Variants in CNBD1 observed in about 807,000 individuals in gnomAD.
The protein encoded by CNBD1 is cyclic nucleotide-binding domain-containing protein 1.
A neutral mutation model predicts 54.4 loss-of-function variants in CNBD1; 71 were observed. The ratio of observed to expected loss-of-function variants is 1.30; its 90% confidence interval spans 1.08 to 1.59. CNBD1 has a LOEUF of 1.59. CNBD1 is among the 40% of genes most tolerant of loss of function. CNBD1 has a pLI of 0.00. For missense variants in CNBD1, 659 were observed against 518.0 expected, an observed-to-expected ratio of 1.27 and a Z score of -2.64; for synonymous variants, 182 against 170.7, an observed-to-expected ratio of 1.07 and a Z score of -0.51.
intron 2 of CNBD1, among the ~76,000 whole-genome samples, chr8:87,391,765 T>C (rs1811314701): frequency 6.6e-6 from 1 of 151,994 alleles, no homozygotes; most frequent in Non-Finnish European, 1.5e-5. Context: ...AAGTAAATCT[T>C]TGTGACCTTG....
chr8:86,966,457 T>C (rs768263954), intron 4 of CNBD1, among the ~76,000 whole-genome samples: 4 of 152,214 alleles, frequency 2.6e-5, no homozygotes, highest in Non-Finnish European at 4.4e-5. Flanking sequence ...TTCCTTCAGA[T>C]GTTCAGATGT....
rs575099380 is a variant in CNBD1, at chr8:87,166,989, A to G, written c.432-39004A>G. On this transcript the variant is annotated intron_variant, in intron 4 of 10. Transcript: ENST00000518476. This position sits in a 1 kb window ranked among gnomAD's most constrained non-coding sequence, Gnocchi z 4.3. Reference sequence around the variant, plus strand: ...TTAACCAAAATGAATGTAGATAGCAATGTGACCATATAAAATATTTTACAT... The same window carrying G: ...TTAACCAAAATGAATGTAGATAGCAGTGTGACCATATAAAATATTTTACAT... Among the ~76,000 whole-genome samples the G allele has an allele frequency of 5.3e-5, 8 of 152,136 alleles. No individual in the cohort carries two copies. In the South Asian group the frequency reaches 1.4e-3, roughly 28 times the overall value.
rs1289280359 is a variant in CNBD1, at chr8:87,146,141, A to G, written c.432-59852A>G. On this transcript the variant is annotated intron_variant, in intron 4 of 10. Coordinates refer to ENST00000518476, the MANE Select transcript of CNBD1 (RefSeq NM_173538.3). ...TAATAGTGCCCAGTGTCCTCTGTTC[A>G]TTTTAGAATTACATAAGTTTTACAA... 4.6e-5 allele frequency among the ~76,000 whole-genome samples: 7 copies of G among 152,204 alleles called. No homozygotes were observed. The South Asian group carries it at 1.5e-3, about 32-fold the overall frequency.
At chr8:87,385,569 G>T (rs1411642759), downstream of CNBD1, among the ~76,000 whole-genome samples, 1 of 151,996 alleles carries the variant, frequency 6.6e-6, no homozygotes, top group African/African-American at 2.4e-5. Context: ...GAGGCTGGGG[G>T]AGGGGCGCCC....
chr8:87,066,466 C>T (rs774846456), intron 4 of CNBD1, among the ~76,000 whole-genome samples: 95 of 152,018 alleles, frequency 6.2e-4, no homozygotes, highest in South Asian at 2.1e-3. Flanking sequence ...AGATAGCCAA[C>T]CCCTTTTTAA....
intron 10 of CNBD1, among the ~76,000 whole-genome samples, chr8:87,370,478 T>A (rs1426144927): frequency 6.6e-6 from 1 of 152,182 alleles, no homozygotes; most frequent in East Asian, 1.9e-4. Flanking sequence ...TGATGGCCAG[T>A]GATGGTGCGC....
At chr8:87,030,945 T>A in intron 4 of CNBD1, among the ~76,000 whole-genome samples, 1 of 97,820 alleles carries the variant, frequency 1.0e-5, no homozygotes, top group African/African-American at 3.9e-5. Flanking sequence ...TTCCCCCTCC[T>A]CCCCCTCTTC....
At chr8:87,145,110 T>A (rs1055245269) in intron 4 of CNBD1, among the ~76,000 whole-genome samples, 1 of 152,114 alleles carries the variant, frequency 6.6e-6, no homozygotes. Flanking sequence ...CATATGCTAT[T>A]AAGGTGTCAA....
chr8:87,401,346 G>A (rs569347028), intron 2 of CNBD1, among the ~76,000 whole-genome samples: 1 of 152,052 alleles, frequency 6.6e-6, no homozygotes, highest in East Asian at 1.9e-4. Context: ...TCCTTCAGAA[G>A]GGGAAAGTGT....
chr8:87,027,420 C>T (rs975272087), intron 4 of CNBD1, among the ~76,000 whole-genome samples: 10 of 152,240 alleles, frequency 6.6e-5, no homozygotes, highest in African/African-American at 2.2e-4. Context: ...TACAGGCCTG[C>T]ACCACCATGC....
intron 2 of CNBD1, among the ~76,000 whole-genome samples, chr8:87,390,606 G>A (rs889415308): frequency 1.3e-5 from 2 of 152,144 alleles, no homozygotes; most frequent in African/African-American, 4.8e-5. Context: ...TGCTGGAGAG[G>A]ATGTGGAGAA....
intron 5 of CNBD1, among the ~76,000 whole-genome samples, chr8:87,232,344 T>C (rs894914204): frequency 1.3e-5 from 2 of 151,984 alleles, no homozygotes; most frequent in Non-Finnish European, 2.9e-5. Context: ...TATAAAAAAC[T>C]GCCAGATATT....
At chr8:87,098,804 G>A (rs1223867223) in intron 4 of CNBD1, among the ~76,000 whole-genome samples, 3 of 151,004 alleles carry the variant, frequency 2.0e-5, no homozygotes, top group South Asian at 4.2e-4. Flanking sequence ...TTGGGAGGCC[G>A]AGGCGGGTGG....
At chr8:87,121,309 A>G (rs575170826) in intron 4 of CNBD1, among the ~76,000 whole-genome samples, 1 of 151,886 alleles carries the variant, frequency 6.6e-6, no homozygotes, top group Non-Finnish European at 1.5e-5. Flanking sequence ...TAGAAAAAAT[A>G]AAATTAGACT....
intron 2 of CNBD1, among the ~76,000 whole-genome samples, chr8:86,903,107 C>T (rs113732720): frequency 2.4e-4 from 37 of 152,138 alleles, no homozygotes; most frequent in African/African-American, 7.9e-4. Flanking sequence ...GCATTTGACT[C>T]TTCCATTTCA....
chr8:87,345,719 C>A (rs1388692685), intron 8 of CNBD1, among the ~76,000 whole-genome samples: 1 of 151,780 alleles, frequency 6.6e-6, no homozygotes, highest in Non-Finnish European at 1.5e-5. Flanking sequence ...ATGAAATAAA[C>A]ATAAAAAAGA....
chr8:86,986,857 C>T (rs1271235245), intron 4 of CNBD1, among the ~76,000 whole-genome samples: 1 of 152,058 alleles, frequency 6.6e-6, no homozygotes, highest in Non-Finnish European at 1.5e-5. Flanking sequence ...CTATTCTGTT[C>T]CATTGGTTGA....
intron 8 of CNBD1, among the ~76,000 whole-genome samples, chr8:87,343,830 T>A (rs900530180): frequency 3.3e-5 from 5 of 152,142 alleles, no homozygotes; most frequent in Non-Finnish European, 7.4e-5. Context: ...TGAAATACAG[T>A]TTTGTATACT....
chr8:87,320,044 T>A (rs1049671040), intron 8 of CNBD1, among the ~76,000 whole-genome samples: 1 of 152,092 alleles, frequency 6.6e-6, no homozygotes, highest in Non-Finnish European at 1.5e-5. Context: ...CAAAATCAAG[T>A]ACAGACTTCA....
Sources: allele counts gnomAD v4.1 joint callset (sites outside exome capture counted in the v4.1 genomes callset), GRCh38; gene constraint gnomAD v4.1.1; non-coding constraint Gnocchi (gnomAD v3.1); transcripts MANE v1.5; gene names NCBI Gene and HGNC (gene_info 2026-07-23, HGNC 2026-07-21).